Variants in RNF38 observed in about 807,000 individuals in gnomAD.
The protein encoded by RNF38 is ring finger protein 38.
RNF38 carries 15 observed loss-of-function variants against 67.2 expected under a neutral mutation model. That is an observed-to-expected ratio of 0.22 (90% CI 0.15 to 0.34). The LOEUF is 0.34. Among genes scored for constraint, RNF38 ranks in the 10% least tolerant of loss-of-function variants. The probability of loss-of-function intolerance (pLI) is 1.00; values close to 1 mark genes in which losing one functional copy is unlikely to be tolerated. For synonymous variants in RNF38, 220 were observed against 218.8 expected (o/e 1.01, Z -0.05); for missense variants, 524 against 639.9 (o/e 0.82, Z 1.95).
chr9:36,450,522 G>T (rs2134332404), intron 1 of RNF38, among the ~76,000 whole-genome samples: 1 of 152,196 alleles, frequency 6.6e-6, no homozygotes, highest in Admixed American at 6.5e-5. Context: ...TGCAAACAAA[G>T]AATTTCAGGG....
At chr9:36,366,637 T>C (rs1564013006) in intron 4 of RNF38, among the ~76,000 whole-genome samples, 1 of 152,236 alleles carries the variant, frequency 6.6e-6, no homozygotes, top group African/African-American at 2.4e-5. Flanking sequence ...CTTAAACTTT[T>C]TTCTTCTTGT....
At position 36,390,513 on chromosome 9, in the gene RNF38, T is replaced by A; in HGVS notation, c.116A>T (p.Gln39Leu). The part of the protein sequence containing the change: ...QSLFPLLPSD[Q>L]NTTVQEDAHF... Reference sequence around the variant, plus strand: ...AGCATCCTCTTGAACGGTAGTGTTCTGATCACTTGGGAGGAGAGGGAACAG... The same window carrying A: ...AGCATCCTCTTGAACGGTAGTGTTCAGATCACTTGGGAGGAGAGGGAACAG... The change falls in exon 2 of 12, where the codon CAG becomes CTG. Residue 39 changes from glutamine to leucine, a missense_variant. Transcript: ENST00000259605. 1 of 1,614,160 alleles carries A rather than the reference T, an allele frequency of 6.2e-7. No homozygotes were observed. The highest frequency in any genetic ancestry group is 8.5e-7 in the Non-Finnish European group (1 of 1,180,006).
chr9:36,465,822 G>A (rs916751183), intron 1 of RNF38, among the ~76,000 whole-genome samples: 8 of 152,002 alleles, frequency 5.3e-5, no homozygotes, highest in South Asian at 2.1e-4. Context: ...AGGCCGAGGC[G>A]GGTGGATCAC....
chr9:36,400,030 T>C lies in RNF38; in HGVS notation c.12+67A>G. The C allele has an allele frequency of 4.2e-6, 6 of 1,423,694 alleles. No homozygotes were observed. The South Asian group carries it at 4.7e-5, about 11-fold the overall frequency. 88.2% of individuals were successfully genotyped at this position (1,423,694 alleles called of 1,614,324 possible). A position where few individuals can be genotyped will look rare whatever the true frequency, so the allele number is the denominator to read the frequency against. On this transcript the variant is annotated intron_variant, in intron 1 of 11. Coordinates refer to ENST00000259605, the MANE Select transcript of RNF38 (RefSeq NM_022781.5). ...TGTGTGTTTCTACTTACGGTAGAAT[T>C]AGCATACCCAACTTTTACTGAATAA...
chr9:36,436,337 G>GA (rs2134280918), intron 1 of RNF38, among the ~76,000 whole-genome samples: 1 of 152,276 alleles, frequency 6.6e-6, no homozygotes, highest in East Asian at 1.9e-4. Context: ...ATCCAAACAA[G>GA]AAGAGACCTC....
intron 1 of RNF38, among the ~76,000 whole-genome samples, chr9:36,448,215 T>C (rs1162878181): frequency 6.6e-6 from 1 of 152,206 alleles, no homozygotes; most frequent in African/African-American, 2.4e-5. Context: ...AGCCACTATG[T>C]TTGTATTCAT....
rs372086802 is a variant in RNF38, at chr9:36,356,486, C to G, written c.739-13G>C. 3.5e-4 allele frequency: 537 copies of G among 1,540,732 alleles called. 1 individual carries two copies. Among genetic ancestry groups the G allele is most frequent in the Non-Finnish European group, 4.4e-4 (505 of 1,145,788 alleles). On this transcript the variant is annotated splice_polypyrimidine_tract_variant and intron_variant, in intron 5 of 11. Coordinates refer to ENST00000259605, the MANE Select transcript of RNF38 (RefSeq NM_022781.5). ...ATGCCTGAAGCATCTGTAAGAGAAA[C>G]CATTACAGTTTGGTTAAAAATATCA...
chr9:36,344,940 A>C lies in RNF38; in HGVS notation c.1277T>G (p.Leu426Arg). ...CTTTGCCTCTCCCAGTCGCTCTGCC[A>C]GGTTTAACAGGGCCTGCAGCGGTAA... ...EVENYEALLN[L>R]AERLGEAKPR... The change falls in exon 10 of 12, where the codon CTG becomes CGG. Residue 426 changes from leucine to arginine, a missense_variant. Leu to Arg is a moderately radical substitution (Grantham distance 102, BLOSUM62 -2). Around this residue, in one of 2 missense-constraint regions of RNF38, gnomAD observed 63 missense variants for 122.5 expected, o/e 0.51. Coordinates refer to ENST00000259605, the MANE Select transcript of RNF38 (RefSeq NM_022781.5). 1.2e-6 allele frequency: 2 copies of C among 1,613,298 alleles called. No homozygotes were observed. Among genetic ancestry groups the C allele is most frequent in the Non-Finnish European group, 1.7e-6 (2 of 1,179,372 alleles).
At chr9:36,400,608 G>A, upstream of RNF38, 7 of 986,078 alleles carry the variant, frequency 7.1e-6, no homozygotes, top group Non-Finnish European at 8.4e-6. Flanking sequence ...TCGCTGGGCC[G>A]CCGCCTCCTA....
intron 9 of RNF38, among the ~76,000 whole-genome samples, chr9:36,345,960 A>G (rs926817420): frequency 1.3e-5 from 2 of 152,182 alleles, no homozygotes; most frequent in African/African-American, 4.8e-5. Context: ...CATAAGACCC[A>G]TCGTGTCCAC....
At chr9:36,411,567 A>AT (rs1247034202) in intron 2 of RNF38, among the ~76,000 whole-genome samples, 2 of 151,860 alleles carry the variant, frequency 1.3e-5, no homozygotes, top group East Asian at 1.9e-4. Flanking sequence ...TTACAATGAC[A>AT]TTTTTTTTCC....
rs1156313770 is a variant in RNF38 at position 36,485,304 on chromosome 9, G to GTATATATATATATATATATATATATA, written n.241+2003_241+2004insTATATATATATATATATATATATATA. Among the ~76,000 whole-genome samples the GTATATATATATATATATATATATATA allele has an allele frequency of 5.7e-3, 863 of 150,292 alleles. 21 individuals are homozygous for GTATATATATATATATATATATATATA. Among genetic ancestry groups the GTATATATATATATATATATATATATA allele is most frequent in the African/African-American group, 0.021 (819 of 39,726 alleles). On this transcript the variant is annotated intron_variant and non_coding_transcript_variant, in intron 1 of 3. Transcript: ENST00000488058. ...AACAAGTGTACAAGGATCTCTTAGG[G>GTATATATATATATATATATATATATA]TATATATACACACACACACCCAGAA...
Position 36,381,811 on chromosome 9 carries a change from C to G in RNF38, c.163-5684G>C, listed in dbSNP as rs574323429. ...CTGCCTCCCTAAAACTGTAATTCGA[C>G]TGTAGTGGGTACATTTCCTTGGGAC... On this transcript the variant is annotated intron_variant, in intron 2 of 11. Coordinates refer to ENST00000259605, the MANE Select transcript of RNF38 (RefSeq NM_022781.5). Among the ~76,000 whole-genome samples the G allele has an allele frequency of 5.9e-5, 9 of 152,348 alleles. No individual in the cohort carries two copies. The East Asian group carries it at 1.5e-3, about 26-fold the overall frequency.
At chr9:36,400,736 A>T, upstream of RNF38, 1 of 985,488 alleles carries the variant, frequency 1.0e-6, no homozygotes, top group Non-Finnish European at 1.2e-6. Context: ...TCCTCCCGGC[A>T]CCATCACACG....
At chr9:36,452,142 G>A (rs1048737075) in intron 1 of RNF38, among the ~76,000 whole-genome samples, 5 of 152,008 alleles carry the variant, frequency 3.3e-5, no homozygotes, top group African/African-American at 1.2e-4. Context: ...AGAACCACTT[G>A]AGCACCCAAG....
intron 6 of RNF38, among the ~76,000 whole-genome samples, chr9:36,353,718 A>G (rs1467408243): frequency 6.6e-6 from 1 of 152,234 alleles, no homozygotes; most frequent in Non-Finnish European, 1.5e-5. Context: ...TCACAGATGA[A>G]ACAAAACAGG....
intron 9 of RNF38, 41 bp from the exon 10 acceptor site, chr9:36,344,994 A>G (rs745501078): frequency 3.8e-6 from 6 of 1,585,426 alleles, no homozygotes; most frequent in Admixed American, 1.8e-5. Flanking sequence ...CTATCTTTAC[A>G]TTTTGCATTC....
At chr9:36,394,058 C>G (rs900294807) in intron 1 of RNF38, among the ~76,000 whole-genome samples, 8 of 152,144 alleles carry the variant, frequency 5.3e-5, no homozygotes, top group Non-Finnish European at 1.2e-4. Context: ...GGGCAGATCA[C>G]AAGGTCAAGA....
intron 1 of RNF38, among the ~76,000 whole-genome samples, chr9:36,428,001 C>A (rs1838821159): frequency 6.6e-6 from 1 of 151,604 alleles, no homozygotes; most frequent in Non-Finnish European, 1.5e-5. Flanking sequence ...TTAGCCACTG[C>A]ACCCAGACAA....
Sources: allele counts gnomAD v4.1 joint callset (sites outside exome capture counted in the v4.1 genomes callset), GRCh38; gene constraint gnomAD v4.1.1; regional missense constraint gnomAD v4.1.1; transcripts MANE v1.5; gene names NCBI Gene and HGNC (gene_info 2026-07-23, HGNC 2026-07-21).